The following SLC7A8 variants were observed in gnomAD, a reference collection of about 807,000 sequenced individuals.
SLC7A8 encodes the protein solute carrier family 7 member 8.
A neutral mutation model predicts 51.2 loss-of-function variants in SLC7A8; 30 were observed. The observed-to-expected ratio is 0.59, with a 90% CI of 0.44 to 0.80. SLC7A8 has a LOEUF of 0.80. SLC7A8 is among the 30% of genes least tolerant of loss of function. The pLI, the probability that SLC7A8 is intolerant of heterozygous loss-of-function variation, is 0.00. For missense variants in SLC7A8, 612 were observed against 674.4 expected (o/e 0.91, Z 1.03); for synonymous variants, 257 against 275.8 (o/e 0.93, Z 0.67).
intron 7 of SLC7A8, among the ~76,000 whole-genome samples, chr14:23,135,025 C>T (rs2140306598): frequency 6.6e-6 from 1 of 152,230 alleles, no homozygotes; most frequent in East Asian, 1.9e-4. Context: ...CCTTGCCTTC[C>T]CAAAGCACCG....
chr14:23,178,289 C>A (rs921927512), intron 1 of SLC7A8, among the ~76,000 whole-genome samples: 1 of 152,214 alleles, frequency 6.6e-6, no homozygotes, highest in Non-Finnish European at 1.5e-5. Flanking sequence ...TTGGGGGGAA[C>A]TCCACGTTCA....
chr14:23,176,481 C>T (rs1876912520), intron 1 of SLC7A8, among the ~76,000 whole-genome samples: 1 of 152,166 alleles, frequency 6.6e-6, no homozygotes, highest in Non-Finnish European at 1.5e-5. Flanking sequence ...AGTGTTCTGG[C>T]TATGGAGTCA....
chr14:23,141,825 C>A (rs1014075227), intron 4 of SLC7A8, among the ~76,000 whole-genome samples: 1 of 152,178 alleles, frequency 6.6e-6, no homozygotes, highest in African/African-American at 2.4e-5. Flanking sequence ...CTTCCCAGCC[C>A]CCCTAGCACA....
At chr14:23,141,035 C>A (rs544643395) in intron 4 of SLC7A8, among the ~76,000 whole-genome samples, 1 of 152,194 alleles carries the variant, frequency 6.6e-6, no homozygotes, top group African/African-American at 2.4e-5. Context: ...GTAATCCAAA[C>A]AATCTGGGAG....
rs778340633 is a variant in SLC7A8, at chr14:23,128,227, T to C, written c.1264-31A>G. On this transcript the variant is annotated intron_variant, in intron 9 of 10. Transcript: ENST00000316902. The surrounding 1 kb of genome is among the most constrained non-coding windows in gnomAD (Gnocchi z 4.3). ...GAGCAGAGGCATGAGGCGTATGAAC[T>C]GTGTAGGCCACGTGGCCCCCAGGAC... The C allele has an allele frequency of 6.9e-5, 112 of 1,612,592 alleles. 1 individual carries two copies. Among genetic ancestry groups the C allele is most frequent in the South Asian group, 6.9e-4 (63 of 90,892 alleles).
At chr14:23,181,912 G>A (rs1160179411) in intron 1 of SLC7A8, among the ~76,000 whole-genome samples, 1 of 152,236 alleles carries the variant, frequency 6.6e-6, no homozygotes, top group African/African-American at 2.4e-5. Flanking sequence ...GCCCTGCAAA[G>A]TACATTCAGG....
chr14:23,142,673 A>T (rs1594825019), intron 4 of SLC7A8, among the ~76,000 whole-genome samples: 1 of 151,820 alleles, frequency 6.6e-6, no homozygotes, highest in East Asian at 1.9e-4. Context: ...ATTAATTTTT[A>T]AATTTTTTTG....
intron 3 of SLC7A8, among the ~76,000 whole-genome samples, chr14:23,148,702 G>C (rs899528289): frequency 6.6e-6 from 1 of 152,220 alleles, no homozygotes; most frequent in Non-Finnish European, 1.5e-5. Flanking sequence ...TGCTGGCTTT[G>C]AAGATGAAAG....
intron 3 of SLC7A8, among the ~76,000 whole-genome samples, chr14:23,158,152 C>G (rs556425967): frequency 6.6e-6 from 1 of 152,338 alleles, no homozygotes; most frequent in East Asian, 1.9e-4. Context: ...AGAACAGTAA[C>G]TAGCCCATCA....
chr14:23,152,286 C>T (rs545453382), intron 3 of SLC7A8, among the ~76,000 whole-genome samples: 16 of 151,814 alleles, frequency 1.1e-4, no homozygotes, highest in South Asian at 6.3e-4. Context: ...TGTGCCACCA[C>T]GCCCAGCTAA....
chr14:23,159,714 A>G (rs2048911985), intron 3 of SLC7A8, among the ~76,000 whole-genome samples: 1 of 152,252 alleles, frequency 6.6e-6, no homozygotes, highest in South Asian at 2.1e-4. Flanking sequence ...CTGTGACAGC[A>G]TTCTGCACCA....
At chr14:23,171,484 A>G (rs1027710538) in intron 1 of SLC7A8, among the ~76,000 whole-genome samples, 1 of 152,226 alleles carries the variant, frequency 6.6e-6, no homozygotes, top group African/African-American at 2.4e-5. Context: ...AGGCTTGTCC[A>G]CACGAGAATG....
intron 1 of SLC7A8, among the ~76,000 whole-genome samples, chr14:23,181,524 A>G (rs1171388529): frequency 6.6e-6 from 1 of 152,106 alleles, no homozygotes; most frequent in Non-Finnish European, 1.5e-5. Context: ...GTAGAGGTGA[A>G]GAGGATTATC....
chr14:23,152,228 C>G (rs951103136), intron 3 of SLC7A8, among the ~76,000 whole-genome samples: 1 of 152,050 alleles, frequency 6.6e-6, no homozygotes, highest in African/African-American at 2.4e-5. Flanking sequence ...CTCCTGGGCT[C>G]AAGCAGTCCT....
intron 5 of SLC7A8, among the ~76,000 whole-genome samples, chr14:23,140,189 C>CA (rs1348642499): frequency 1.3e-5 from 2 of 152,150 alleles, no homozygotes; most frequent in African/African-American, 4.8e-5. Context: ...AGAAGCCTCT[C>CA]AGGGCACAAT....
chr14:23,165,520 CTT>C lies in SLC7A8; in HGVS notation c.357-86_357-85del, dbSNP rs2048945173. On this transcript the variant is annotated intron_variant, in intron 2 of 10. Coordinates refer to ENST00000316902, the MANE Select transcript of SLC7A8 (RefSeq NM_012244.4). The surrounding 1 kb of genome is among the most constrained non-coding windows in gnomAD (Gnocchi z 4.2). ...GAGAGCCCGGGCAAGTCATGCATCT[CTT>C]TTTTATTTTCAAGGATGCTGAAGAG... 1 of 1,415,770 alleles carries C rather than the reference CTT, an allele frequency of 7.1e-7. No individual in the cohort carries two copies. The highest frequency in any genetic ancestry group is 9.4e-7 in the Non-Finnish European group (1 of 1,063,718). 87.7% of individuals were successfully genotyped at this position (1,415,770 alleles called of 1,614,324 possible).
At chr14:23,181,298 AT>A (rs1391691081) in intron 1 of SLC7A8, among the ~76,000 whole-genome samples, 3 of 152,220 alleles carry the variant, frequency 2.0e-5, no homozygotes, top group Non-Finnish European at 4.4e-5. Context: ...GGCAAAAAAA[AT>A]GTCATGAGAA....
At chr14:23,170,570 T>TGCCTCAC (rs1218368816) in intron 1 of SLC7A8, among the ~76,000 whole-genome samples, 1 of 152,178 alleles carries the variant, frequency 6.6e-6, no homozygotes, top group Non-Finnish European at 1.5e-5. Context: ...GCGATTCTCC[T>TGCCTCAC]GCCTCACCCT....
In SLC7A8 at chr14:23,165,308, C is replaced by T. The variant is rs574559077; in HGVS notation, c.485G>A (p.Arg162Gln). The change falls in exon 3 of 11, where the codon CGG becomes CAG. Residue 162 changes from arginine to glutamine, a missense_variant. Physicochemically the swap from Arg to Gln is conservative, Grantham distance 43. Transcript: ENST00000316902. The surrounding 1 kb of genome is among the most constrained non-coding windows in gnomAD (Gnocchi z 4.2). ...ACATAAGCAGATGGCAGCCAGGAGCCGAAGGCCAGACTCTGGGGGGAAGCA... is the reference window on the plus strand; with the variant it reads ...ACATAAGCAGATGGCAGCCAGGAGCTGAAGGCCAGACTCTGGGGGGAAGCA... ...PTCFPPESGL[R>Q]LLAAICLLLL... is the part of the protein sequence containing the mutation. 31 of 1,609,132 alleles carry T rather than the reference C, an allele frequency of 1.9e-5. No homozygotes were observed. In the East Asian group the frequency reaches 4.3e-4, roughly 22 times the overall value.
Sources: allele counts gnomAD v4.1 joint callset (sites outside exome capture counted in the v4.1 genomes callset), GRCh38; gene constraint gnomAD v4.1.1; non-coding constraint Gnocchi (gnomAD v3.1); transcripts MANE v1.5; gene names NCBI Gene and HGNC (gene_info 2026-07-23, HGNC 2026-07-21).